LDLRAD4: variants seen among roughly 807,000 people sequenced by gnomAD.
The protein encoded by LDLRAD4 is low-density lipoprotein receptor class A domain-containing protein 4.
In LDLRAD4, 5 loss-of-function variants were observed where a neutral mutation model predicts 17.0. The ratio of observed to expected loss-of-function variants is 0.29; its 90% confidence interval spans 0.15 to 0.62. The LOEUF is 0.62. Ranked by LOEUF, LDLRAD4 falls within the 20% of genes least tolerant of loss-of-function variation. LDLRAD4 has a pLI of 0.84. For missense variants in LDLRAD4, 340 were observed against 424.7 expected, an observed-to-expected ratio of 0.80 and a Z score of 1.75; for synonymous variants, 168 against 171.8, an observed-to-expected ratio of 0.98 and a Z score of 0.17.
At chr18:13,334,214 TCTA>T (rs1316854742) in intron 1 of LDLRAD4, among the ~76,000 whole-genome samples, 9 of 152,184 alleles carry the variant, frequency 5.9e-5, no homozygotes, top group Non-Finnish European at 2.9e-5. Flanking sequence ...TCTTCGCTGG[TCTA>T]TAGGAAAGCA....
At chr18:13,298,350 G>C (rs1237684570) in intron 1 of LDLRAD4, among the ~76,000 whole-genome samples, 1 of 151,844 alleles carries the variant, frequency 6.6e-6, no homozygotes, top group Non-Finnish European at 1.5e-5. Flanking sequence ...ACCTGCTCTA[G>C]GCACAGTGGT....
chr18:13,402,398 C>T (rs1459108663), intron 2 of LDLRAD4, among the ~76,000 whole-genome samples: 1 of 152,222 alleles, frequency 6.6e-6, no homozygotes, highest in Non-Finnish European at 1.5e-5. Flanking sequence ...TCTTGAATTA[C>T]AGGATTGTTG....
At chr18:13,361,051 G>A (rs1010240252) in intron 1 of LDLRAD4, among the ~76,000 whole-genome samples, 3 of 152,162 alleles carry the variant, frequency 2.0e-5, no homozygotes, top group Non-Finnish European at 4.4e-5. Flanking sequence ...TGTTGTGGGA[G>A]GGAATGGGGT....
intron 1 of LDLRAD4, among the ~76,000 whole-genome samples, chr18:13,360,205 C>T (rs1462358362): frequency 2.0e-5 from 3 of 152,202 alleles, no homozygotes; most frequent in Non-Finnish European, 4.4e-5. Context: ...GTCATTTCCT[C>T]TCATCATTGG....
intron 3 of LDLRAD4, among the ~76,000 whole-genome samples, chr18:13,452,694 A>C (rs1022797291): frequency 1.3e-5 from 2 of 152,236 alleles, no homozygotes; most frequent in African/African-American, 4.8e-5. Flanking sequence ...CAGTGTTCAA[A>C]AGAGCTTTCT....
chr18:13,650,544 C>A, exon 6 of LDLRAD4: 1 of 395,912 alleles, frequency 2.5e-6, no homozygotes. Context: ...AGGAACCAAG[C>A]CGCCCCCTCC....
At chr18:13,469,997 A>T (rs1314897728) in intron 3 of LDLRAD4, among the ~76,000 whole-genome samples, 1 of 152,250 alleles carries the variant, frequency 6.6e-6, no homozygotes, top group African/African-American at 2.4e-5. Context: ...TACAATAAAA[A>T]GTTAGAAAAA....
chr18:13,417,136 G>A (rs1056731381), intron 2 of LDLRAD4, among the ~76,000 whole-genome samples: 2 of 152,160 alleles, frequency 1.3e-5, no homozygotes, highest in African/African-American at 4.8e-5. Flanking sequence ...AGTGAAGGCA[G>A]ATAATCCTGT....
intron 1 of LDLRAD4, among the ~76,000 whole-genome samples, chr18:13,283,479 T>A (rs2045411795): frequency 6.6e-6 from 1 of 152,216 alleles, no homozygotes; most frequent in Non-Finnish European, 1.5e-5. Flanking sequence ...GGGCAAAATG[T>A]TGCCAGTCTC....
At chr18:13,318,038 G>C (rs184333032) in intron 1 of LDLRAD4, among the ~76,000 whole-genome samples, 1 of 151,998 alleles carries the variant, frequency 6.6e-6, no homozygotes, top group Non-Finnish European at 1.5e-5. Context: ...CTGCATTACC[G>C]TGTGGTTGAG....
chr18:13,239,274 C>T (rs978793503), intron 1 of LDLRAD4, among the ~76,000 whole-genome samples: 3 of 151,428 alleles, frequency 2.0e-5, no homozygotes, highest in African/African-American at 7.3e-5. Flanking sequence ...AGGGGCCTGG[C>T]GTTAGGGAGA....
intron 4 of LDLRAD4, among the ~76,000 whole-genome samples, chr18:13,640,738 G>T (rs1350110773): frequency 6.6e-6 from 1 of 152,142 alleles, no homozygotes; most frequent in Non-Finnish European, 1.5e-5. Flanking sequence ...GGCATGCCCT[G>T]CGTTACCCTC....
chr18:13,232,954 C>T (rs531865139), intron 1 of LDLRAD4, among the ~76,000 whole-genome samples: 234 of 152,318 alleles, frequency 1.5e-3, no homozygotes, highest in Non-Finnish European at 1.6e-3. Flanking sequence ...CAGGAGCCAG[C>T]GTCCTCATGA....
intron 4 of LDLRAD4, among the ~76,000 whole-genome samples, chr18:13,623,177 A>C (rs1375827163): frequency 6.6e-6 from 1 of 152,226 alleles, no homozygotes; most frequent in African/African-American, 2.4e-5. Flanking sequence ...ATGTGGCGGC[A>C]GATTTGTGTG....
intron 1 of LDLRAD4, among the ~76,000 whole-genome samples, chr18:13,266,224 C>G (rs923419986): frequency 6.6e-5 from 10 of 152,228 alleles, no homozygotes; most frequent in Non-Finnish European, 1.3e-4. Context: ...GCTCCCCCGA[C>G]TTCTTCCTGT....
chr18:13,438,206 G>T (rs1411099485), intron 2 of LDLRAD4, 38 bp from the exon 4 acceptor site: 2 of 1,600,344 alleles, frequency 1.2e-6, no homozygotes, highest in Non-Finnish European at 8.6e-7. Flanking sequence ...CACCAAGCTT[G>T]CATTGACTGC....
chr18:13,621,366 C>T lies in LDLRAD4; in HGVS notation c.336+95C>T. 3.1e-6 allele frequency: 3 copies of T among 963,364 alleles called. No individual in the cohort carries two copies. In the South Asian group the frequency reaches 4.1e-5, roughly 13 times the overall value. 59.7% of individuals were successfully genotyped at this position (963,364 alleles called of 1,614,324 possible). A position where few individuals can be genotyped will look rare whatever the true frequency, so the allele number is the denominator to read the frequency against. On this transcript the variant is annotated intron_variant, in intron 4 of 5. Transcript: ENST00000359446. The surrounding 1 kb of genome is among the most constrained non-coding windows in gnomAD (Gnocchi z 5.5). ...AGAGGCCGGGAGTGCTTTCAGTTGA[C>T]ATGTAACAAACGGGGCGAAGCGCAC... is the stretch of plus-strand genomic sequence containing the variant.
chr18:13,501,295 G>T (rs896824324), intron 3 of LDLRAD4: 9 of 152,142 alleles, frequency 5.9e-5, no homozygotes, highest in Non-Finnish European at 1.2e-4. Context: ...AAATGAATGT[G>T]GTCTCCTGCA....
At chr18:13,439,967 G>C (rs1345277714) in intron 3 of LDLRAD4, among the ~76,000 whole-genome samples, 1 of 152,214 alleles carries the variant, frequency 6.6e-6, no homozygotes, top group African/African-American at 2.4e-5. Context: ...AGCACTTAGA[G>C]CAGCATATTC....
Sources: allele counts gnomAD v4.1 joint callset (sites outside exome capture counted in the v4.1 genomes callset), GRCh38; gene constraint gnomAD v4.1.1; non-coding constraint Gnocchi (gnomAD v3.1); transcripts MANE v1.5; gene names NCBI Gene and HGNC (gene_info 2026-07-23, HGNC 2026-07-21).